Variants in MAML3 observed in about 807,000 individuals in gnomAD.
The protein encoded by MAML3 is mastermind like transcriptional coactivator 3, also known as mastermind-like protein 3.
Under a neutral mutation model 101.9 loss-of-function variants are expected in MAML3, and 27 were observed. The observed-to-expected ratio is 0.27, with a 90% CI of 0.20 to 0.37. The LOEUF (loss-of-function observed/expected upper bound fraction) is 0.37, where lower values mean the gene tolerates loss of function less well. Ranked by LOEUF, MAML3 falls within the 10% of genes least tolerant of loss-of-function variation. The probability of loss-of-function intolerance (pLI) is 1.00; values close to 1 mark genes in which losing one functional copy is unlikely to be tolerated. For missense variants in MAML3, 1,316 were observed against 1,444.9 expected (o/e 0.91, Z 1.45); for synonymous variants, 501 against 555.9 (o/e 0.90, Z 1.39).
At chr4:139,819,440 A>C (rs1218695766) in intron 2 of MAML3, among the ~76,000 whole-genome samples, 1 of 152,194 alleles carries the variant, frequency 6.6e-6, no homozygotes, top group Non-Finnish European at 1.5e-5. Flanking sequence ...CATGGCTCCA[A>C]TTGTATCCCC....
intron 2 of MAML3, among the ~76,000 whole-genome samples, chr4:139,809,967 C>T (rs1053302324): frequency 2.0e-5 from 3 of 151,798 alleles, no homozygotes; most frequent in African/African-American, 7.3e-5. Context: ...TGAGGAACCT[C>T]TCAAGGGATC....
chr4:139,801,900 C>A (rs948504238), intron 2 of MAML3, among the ~76,000 whole-genome samples: 1 of 152,102 alleles, frequency 6.6e-6, no homozygotes, highest in African/African-American at 2.4e-5. Context: ...GTCTAGGCTC[C>A]CCATGGGTGC....
In MAML3 at chr4:139,795,098, C is replaced by T. The variant is rs537989957; in HGVS notation, c.2080-64431G>A. ...GTTAGGTGAGAAGGCACAGCTGAAG[C>T]GATGGAAGATTTACATCATATCTGT... On this transcript the variant is annotated intron_variant, in intron 2 of 4. Transcript: ENST00000509479. Among the ~76,000 whole-genome samples the T allele has an allele frequency of 1.9e-3, 293 of 152,246 alleles. 2 individuals are homozygous for T. Among genetic ancestry groups the T allele is most frequent in the African/African-American group, 6.8e-3 (283 of 41,536 alleles).
rs1728388538 is a variant in MAML3, at chr4:139,724,547, TTA to T, written c.2416+1202_2416+1203del. Among the ~76,000 whole-genome samples, 5 of 152,306 alleles carry T rather than the reference TTA, an allele frequency of 3.3e-5. No individual in the cohort carries two copies. In the South Asian group the frequency reaches 1.0e-3, roughly 32 times the overall value. ...ATAAAAGTTTGTATATATTTACATA[TTA>T]TATGTTTCTCTGCAAGAGGCTTCAT... is the stretch of plus-strand genomic sequence containing the variant. On this transcript the variant is annotated intron_variant, in intron 4 of 4. Transcript: ENST00000509479.
intron 2 of MAML3, among the ~76,000 whole-genome samples, chr4:139,773,068 C>T (rs72730222): frequency 2.8e-4 from 42 of 152,112 alleles, no homozygotes; most frequent in Middle Eastern, 6.8e-3. Flanking sequence ...TAAGCATATG[C>T]CCAGATTTTT....
intron 2 of MAML3, among the ~76,000 whole-genome samples, chr4:139,754,374 T>C (rs1729600103): frequency 6.6e-6 from 1 of 152,226 alleles, no homozygotes; most frequent in Non-Finnish European, 1.5e-5. Context: ...CTGCTGATTA[T>C]TACCACAAAA....
rs1056324980 is a variant in MAML3, at chr4:139,871,037, C to T, written c.2079+18320G>A. ...GTTTGTGTGTACATACACAAATATA[C>T]ATGCAGTCACACAATACACACATTT... On this transcript the variant is annotated intron_variant, in intron 2 of 4. Transcript: ENST00000509479. 5.3e-5 allele frequency among the ~76,000 whole-genome samples: 8 copies of T among 152,280 alleles called. No individual in the cohort carries two copies. In the South Asian group the frequency reaches 1.7e-3, roughly 32 times the overall value.
chr4:139,776,559 T>A (rs576879465), intron 2 of MAML3, among the ~76,000 whole-genome samples: 1 of 152,328 alleles, frequency 6.6e-6, no homozygotes, highest in South Asian at 2.1e-4. Context: ...TATCAGAGGC[T>A]CTTAGGTAGA....
intron 1 of MAML3, among the ~76,000 whole-genome samples, chr4:140,108,494 T>C (rs59318627): frequency 0.06 from 9,147 of 151,328 alleles, 829 homozygotes; most frequent in African/African-American, 0.2. Context: ...ATTTGAATCT[T>C]GGTTTTGTCA....
At chr4:139,832,194 T>C (rs1731179854) in intron 2 of MAML3, among the ~76,000 whole-genome samples, 1 of 137,894 alleles carries the variant, frequency 7.3e-6, no homozygotes, top group African/African-American at 2.7e-5. Flanking sequence ...AACCTCCACC[T>C]CCCGGGTTCA....
At chr4:139,768,857 G>A (rs1729917985) in intron 2 of MAML3, among the ~76,000 whole-genome samples, 1 of 152,174 alleles carries the variant, frequency 6.6e-6, no homozygotes, top group African/African-American at 2.4e-5. Context: ...TTCCCCTCAG[G>A]TTAATTATAT....
rs770473643 is a variant in MAML3, at chr4:140,153,309, G to C, written c.19C>G (p.Pro7Ala). The change falls in exon 1 of 5, where the codon CCC (proline) becomes GCC (alanine). Residue 7 changes from proline to alanine, a missense_variant. Coordinates refer to ENST00000509479, the MANE Select transcript of MAML3 (RefSeq NM_018717.5). Reference protein sequence around the residue: MGDFAAPAAAANGSSIC... With the variant: MGDFAAAAAAANGSSIC... Reference sequence around the variant, plus strand: ...CTACTGCCATTCGCGGCAGCAGCGGGGGCTGCGAAATCCCCCATCCTGCTC... The same window carrying C: ...CTACTGCCATTCGCGGCAGCAGCGGCGGCTGCGAAATCCCCCATCCTGCTC... The C allele has an allele frequency of 1.9e-6, 3 of 1,594,964 alleles. No homozygotes were observed. Among genetic ancestry groups the C allele is most frequent in the Non-Finnish European group, 2.6e-6 (3 of 1,169,468 alleles).
intron 1 of MAML3, among the ~76,000 whole-genome samples, chr4:140,107,534 T>A (rs1358967619): frequency 1.3e-5 from 2 of 149,508 alleles, no homozygotes; most frequent in Non-Finnish European, 3.0e-5. Context: ...AGACAGACTC[T>A]CGCTCTGTCA....
intron 2 of MAML3, among the ~76,000 whole-genome samples, chr4:139,732,828 A>G (rs1728779728): frequency 6.6e-6 from 1 of 152,266 alleles, no homozygotes; most frequent in East Asian, 1.9e-4. Context: ...TCATAAGTGT[A>G]CTGCGTTCTA....
At position 140,022,988 on chromosome 4, in the gene MAML3, A is replaced by T. The variant is rs143395850; in HGVS notation, c.468+129872T>A. Among the ~76,000 whole-genome samples, 690 of 152,342 alleles carry T rather than the reference A, an allele frequency of 4.5e-3. 1 individual carries two copies. The highest frequency in any genetic ancestry group is 7.8e-3 in the Admixed American group (119 of 15,302). On this transcript the variant is annotated intron_variant, in intron 1 of 4. Transcript: ENST00000509479. ...CATATTCAGTGAAGAAAGGGGTTCC[A>T]TGGTCAAATAAATCTGAGAAATGCT...
intron 2 of MAML3, among the ~76,000 whole-genome samples, chr4:139,820,704 C>G (rs994511388): frequency 6.6e-6 from 1 of 152,160 alleles, no homozygotes; most frequent in Admixed American, 6.6e-5. Context: ...ATCAAAAACT[C>G]TTCTAAAATA....
chr4:139,740,795 G>C (rs1196589321), intron 2 of MAML3: 4 of 152,570 alleles, frequency 2.6e-5, no homozygotes. Context: ...AGGGCATGCT[G>C]TGGAGGGAAG....
rs144143663 is a variant in MAML3, at chr4:140,091,951, C to G, written c.468+60909G>C. Among the ~76,000 whole-genome samples, 266 of 151,494 alleles carry G rather than the reference C, an allele frequency of 1.8e-3. 1 individual carries two copies. The highest frequency in any genetic ancestry group is 6.1e-3 in the African/African-American group (251 of 41,360). ...GGCCATAGTTTTATTTATTTCCTAT[C>G]TATTTATTTCCTATCTTCAAACGAG... is the stretch of plus-strand genomic sequence containing the variant. On this transcript the variant is annotated intron_variant, in intron 1 of 4. Transcript: ENST00000509479.
Position 139,890,806 on chromosome 4 carries a change from C to A in MAML3, c.630G>T (p.Met210Ile), listed in dbSNP as rs866472230. 1 of 1,614,028 alleles carries A rather than the reference C, an allele frequency of 6.2e-7. No homozygotes were observed. Reference sequence around the variant, plus strand: ...GAAGAGGAGAAGCTGAAGGCAGTGGCATGTTACTGGGCAAATTGTTGATGG... The same window carrying A: ...GAAGAGGAGAAGCTGAAGGCAGTGGAATGTTACTGGGCAAATTGTTGATGG... Reference protein sequence around the residue: ...MEAINNLPSNMPLPSASPLHQ... With the variant: ...MEAINNLPSNIPLPSASPLHQ... Residue 210 changes from methionine to isoleucine, a missense_variant, in exon 2 of 5, where the codon ATG (methionine) becomes ATT (isoleucine). By Grantham distance (10) the Met-to-Ile change is conservative. Transcript: ENST00000509479. The surrounding 1 kb of genome is among the most constrained non-coding windows in gnomAD (Gnocchi z 4.1).
Sources: gnomAD v4.1 joint callset for allele counts (sites outside exome capture counted in the v4.1 genomes callset) on GRCh38, gnomAD v4.1.1 for gene constraint, Gnocchi (gnomAD v3.1) non-coding constraint, MANE v1.5 for transcripts, NCBI Gene and HGNC (gene_info 2026-07-23, HGNC 2026-07-21) for gene names.